Variants in AP2A2 observed in about 807,000 individuals in gnomAD.
AP2A2 encodes adaptor related protein complex 2 subunit alpha 2.
In AP2A2, 32 loss-of-function variants were observed where a neutral mutation model predicts 104.2. That is an observed-to-expected ratio of 0.31 (90% CI 0.23 to 0.41). The LOEUF (loss-of-function observed/expected upper bound fraction) is 0.41, where lower values mean the gene tolerates loss of function less well. Among genes scored for constraint, AP2A2 ranks in the 10% least tolerant of loss-of-function variants. The pLI is 1.00. For synonymous variants in AP2A2, 539 were observed against 533.3 expected, an observed-to-expected ratio of 1.01 and a Z score of -0.15; for missense variants, 912 against 1,261.0, an observed-to-expected ratio of 0.72 and a Z score of 4.19.
intron 16 of AP2A2, among the ~76,000 whole-genome samples, chr11:1,004,244 A>AGGC (rs1482676981): frequency 6.6e-5 from 10 of 151,988 alleles, no homozygotes; most frequent in African/African-American, 2.4e-4. Flanking sequence ...AGGCCGAGGC[A>AGGC]GGCAGATCAC....
At chr11:973,271 G>A (rs183035602) in intron 4 of AP2A2, among the ~76,000 whole-genome samples, 7 of 152,304 alleles carry the variant, frequency 4.6e-5, no homozygotes, top group South Asian at 2.1e-4. Flanking sequence ...GTGTCTTGGG[G>A]CATTTTTGGT....
chr11:988,714 C>T (rs1477432636), intron 10 of AP2A2, 25 bp downstream of exon 10: 5 of 1,612,150 alleles, frequency 3.1e-6, no homozygotes, highest in Non-Finnish European at 4.2e-6. Flanking sequence ...CCTCTGAGTC[C>T]TCTCCTGCCA....
intron 1 of AP2A2, among the ~76,000 whole-genome samples, chr11:956,175 A>ATTTTTTC (rs1246859461): frequency 6.6e-6 from 1 of 151,798 alleles, no homozygotes; most frequent in African/African-American, 2.4e-5. Context: ...ACTTGTCTCT[A>ATTTTTTC]TTTTTTCTTT....
In AP2A2 at chr11:947,328, A is replaced by T. The variant is rs139804614; in HGVS notation, c.68-12109A>T. 2.6e-3 allele frequency among the ~76,000 whole-genome samples: 392 copies of T among 152,292 alleles called. 2 individuals are homozygous for T. The highest frequency in any genetic ancestry group is 4.4e-3 in the Non-Finnish European group (296 of 68,016). On this transcript the variant is annotated intron_variant, in intron 1 of 21. Coordinates refer to ENST00000448903, the MANE Select transcript of AP2A2 (RefSeq NM_012305.4). ...GCTTGGCCCCTATCTGCCTTAAAAG[A>T]CAACTGTACAAAGTAATAATTATAA...
rs1410745713 is a variant in AP2A2, at chr11:1,011,622, TG to T, written c.*1001del. 5.1e-6 allele frequency: 2 copies of T among 395,562 alleles called. No homozygotes were observed. Among genetic ancestry groups the T allele is most frequent in the Non-Finnish European group, 1.0e-5 (2 of 196,292 alleles). The allele number at this position is 395,562 out of a possible 1,614,324, so 24.5% of individuals were successfully genotyped here. A position where few individuals can be genotyped will look rare whatever the true frequency, so the allele number is the denominator to read the frequency against. On this transcript the variant is annotated 3_prime_UTR_variant, in exon 22 of 22. Transcript: ENST00000448903. ...GTCTGACACCTGAGAGGCGAGAGAG[TG>T]GGGCCGGCCTAGGAGCCAAGGCTGG...
At position 1,003,779 on chromosome 11, in the gene AP2A2, TAA is replaced by T; in HGVS notation, c.2182_2183del (p.Lys728ValfsTer2). 1.2e-6 allele frequency: 2 copies of T among 1,606,596 alleles called. No homozygotes were observed. Among genetic ancestry groups the T allele is most frequent in the Non-Finnish European group, 1.7e-6 (2 of 1,176,816 alleles). ...FENQLLQIGLKSEFRQNLGRM... is the reference protein window; with the variant it reads ...FENQLLQIGLXSEFRQNLGRM... ...AAAACCAGCTGCTTCAAATTGGACTTAAGTCTGAATTTCGGCAGAATTTAGGT... is the reference window on the plus strand; with the variant it reads ...AAAACCAGCTGCTTCAAATTGGACTTGTCTGAATTTCGGCAGAATTTAGGT... On this transcript the variant is annotated frameshift_variant, in exon 16 of 22. Coordinates refer to ENST00000448903, the MANE Select transcript of AP2A2 (RefSeq NM_012305.4). LOFTEE classifies it high-confidence loss of function.
intron 1 of AP2A2, among the ~76,000 whole-genome samples, chr11:943,825 G>A (rs1239241552): frequency 2.1e-5 from 3 of 145,446 alleles, no homozygotes; most frequent in Admixed American, 2.1e-4. Flanking sequence ...GGCGAGAATA[G>A]GAGAGTCCGA....
chr11:940,729 G>A, intron 1 of AP2A2: 1 of 444,282 alleles, frequency 2.3e-6, no homozygotes, highest in Non-Finnish European at 4.5e-6. Context: ...GAGGTTCTGA[G>A]CTCTCACTTT....
At chr11:1,009,992 G>T in intron 21 of AP2A2, 175 bp downstream of exon 21, 1 of 724,566 alleles carries the variant, frequency 1.4e-6, no homozygotes, top group Non-Finnish European at 2.2e-6. Flanking sequence ...TGGCCACCGT[G>T]GAGCATCATC....
At chr11:999,540 G>A (rs182124721) in intron 14 of AP2A2, among the ~76,000 whole-genome samples, 4 of 152,164 alleles carry the variant, frequency 2.6e-5, no homozygotes, top group Middle Eastern at 3.4e-3. Context: ...TGTTGCCCAG[G>A]CTAGTTTTAA....
chr11:979,921 T>A (rs895050763), intron 5 of AP2A2, among the ~76,000 whole-genome samples: 2 of 152,270 alleles, frequency 1.3e-5, no homozygotes, highest in Non-Finnish European at 2.9e-5. Context: ...AGGTATCATT[T>A]ATTTTATATT....
chr11:951,865 C>T (rs200147881), intron 1 of AP2A2, among the ~76,000 whole-genome samples: 5 of 152,218 alleles, frequency 3.3e-5, no homozygotes, highest in East Asian at 3.9e-4. Context: ...GGTTACTCGG[C>T]GGAATCACTT....
chr11:1,000,295 T>G, intron 14 of AP2A2, 137 bp from the exon 15 acceptor site: 1 of 771,616 alleles, frequency 1.3e-6, no homozygotes, highest in South Asian at 1.7e-5. Context: ...CACTGAGTTG[T>G]GTGCCACCTG....
intron 9 of AP2A2, among the ~76,000 whole-genome samples, chr11:987,856 A>C (rs1228583960): frequency 3.9e-5 from 6 of 152,248 alleles, no homozygotes; most frequent in Admixed American, 1.3e-4. Flanking sequence ...GCTCAGCCTC[A>C]GGCTGTGGCA....
intron 14 of AP2A2, among the ~76,000 whole-genome samples, chr11:994,920 G>C (rs181996015): frequency 3.3e-5 from 4 of 122,830 alleles, no homozygotes; most frequent in Admixed American, 7.8e-5. Flanking sequence ...CCCCTGGCCT[G>C]TCCTGGGGGC....
At chr11:959,352 A>C (rs2134562311) in intron 1 of AP2A2, 85 bp from the exon 2 acceptor site, 1 of 931,070 alleles carries the variant, frequency 1.1e-6, no homozygotes, top group South Asian at 1.4e-5. Flanking sequence ...CCCATTCGTG[A>C]GTTCTGAGTG....
At chr11:999,951 C>T (rs1366512500) in intron 14 of AP2A2, among the ~76,000 whole-genome samples, 1 of 151,862 alleles carries the variant, frequency 6.6e-6, no homozygotes, top group East Asian at 1.9e-4. Context: ...CTACAGGCGC[C>T]CACCACCACG....
rs199801496 is a variant in AP2A2, at chr11:992,717, G to A, written c.1452+32G>A. ...CCCGCAGGATGGCAGGAAGGATGGG[G>A]TGGAGGGCAGTTGCAGAAGGTGAGC... On this transcript the variant is annotated intron_variant, in intron 11 of 21. Transcript: ENST00000448903. The surrounding 1 kb of genome is among the most constrained non-coding windows in gnomAD (Gnocchi z 6.4). 1.9e-6 allele frequency: 3 copies of A among 1,612,220 alleles called. No individual in the cohort carries two copies. The highest frequency in any genetic ancestry group is 1.3e-5 in the African/African-American group (1 of 75,004).
At chr11:949,278 G>GT (rs1208090970) in intron 1 of AP2A2, among the ~76,000 whole-genome samples, 1 of 149,996 alleles carries the variant, frequency 6.7e-6, no homozygotes, top group African/African-American at 2.5e-5. Context: ...TCTGTCTCAA[G>GT]AAAAGAATTA....
Sources: gnomAD v4.1 joint callset for allele counts (sites outside exome capture counted in the v4.1 genomes callset) on GRCh38, gnomAD v4.1.1 for gene constraint, Gnocchi (gnomAD v3.1) non-coding constraint, MANE v1.5 for transcripts, NCBI Gene and HGNC (gene_info 2026-07-23, HGNC 2026-07-21) for gene names.